Variants in ARHGAP21 observed in about 807,000 individuals in gnomAD.
ARHGAP21 encodes the protein rho GTPase-activating protein 21.
Under a neutral mutation model 164.6 loss-of-function variants are expected in ARHGAP21, and 38 were observed. The observed-to-expected ratio is 0.23, with a 90% CI of 0.18 to 0.30. The LOEUF is 0.30. Ranked by LOEUF, ARHGAP21 falls within the 10% of genes least tolerant of loss-of-function variation. The pLI is 1.00. For synonymous variants in ARHGAP21, 766 were observed against 857.9 expected (o/e 0.89, Z 1.87); for missense variants, 1,822 against 2,370.7 (o/e 0.77, Z 4.81).
chr10:24,633,332 T>G, intron 6 of ARHGAP21, 70 bp downstream of exon 6: 4 of 1,067,558 alleles, frequency 3.7e-6, no homozygotes, highest in South Asian at 1.5e-5. Context: ...AATAGAAGAT[T>G]GTATTAAATC....
chr10:24,657,069 T>C (rs1425382151), intron 4 of ARHGAP21, among the ~76,000 whole-genome samples: 1 of 40,052 alleles, frequency 2.5e-5, no homozygotes. Flanking sequence ...GGGAGGGAGG[T>C]GGGGGTGTCA....
chr10:24,697,517 CT>C (rs1006842475), intron 2 of ARHGAP21, among the ~76,000 whole-genome samples: 3 of 151,994 alleles, frequency 2.0e-5, no homozygotes, highest in Non-Finnish European at 4.4e-5. Flanking sequence ...TTAAAGGATG[CT>C]TTTTTCTTAC....
chr10:24,592,009 C>T lies in ARHGAP21; in HGVS notation c.3880G>A (p.Glu1294Lys). 6.3e-7 allele frequency: 1 copy of T among 1,592,902 alleles called. No homozygotes were observed. The highest frequency in any genetic ancestry group is 1.7e-4 in the Middle Eastern group (1 of 5,964). The change falls in exon 22 of 26, where the codon GAA (glutamate) becomes AAA (lysine). Residue 1294 changes from glutamate (E) to lysine (K), a missense_variant. By Grantham distance (56) the Glu-to-Lys change is moderately conservative. Around this residue, in one of 5 missense-constraint regions of ARHGAP21, gnomAD observed 117 missense variants for 238.1 expected, o/e 0.49. Coordinates refer to ENST00000396432, the MANE Select transcript of ARHGAP21 (RefSeq NM_020824.4). ...VAENSEKNKM[E>K]PRNLAIVFGP... ...AACACTATTGCTAGGTTTCTTGGTT[C>T]CATCTGAAAGAAAGGATGATACTGG...
chr10:24,584,952 G>A lies in ARHGAP21; in HGVS notation c.5337C>T (p.Asp1779=), dbSNP rs147583234. The A allele has an allele frequency of 8.3e-5, 134 of 1,613,770 alleles. No individual in the cohort carries two copies. The highest frequency in any genetic ancestry group is 1.1e-4 in the Non-Finnish European group (128 of 1,179,864). The change falls in exon 26 of 26, where the codon GAC becomes GAT. Residue 1779 remains aspartate, a synonymous_variant. Coordinates refer to ENST00000396432, the MANE Select transcript of ARHGAP21 (RefSeq NM_020824.4). ...LKLRPRAPAD[D]MFGVGNHKVN... Reference sequence around the variant, plus strand: ...CTTTGTGATTCCCTACTCCAAACATGTCATCCGCAGGGGCTCTGGGTCTCA... The same window carrying A: ...CTTTGTGATTCCCTACTCCAAACATATCATCCGCAGGGGCTCTGGGTCTCA...
chr10:24,590,388 GTCC>G (rs1409525500), intron 24 of ARHGAP21: 11 of 1,535,378 alleles, frequency 7.2e-6, no homozygotes, highest in East Asian at 2.4e-5. Context: ...GTGGACAACA[GTCC>G]TCCTTCTTCC....
chr10:24,661,368 A>C (rs1320742688), intron 4 of ARHGAP21, among the ~76,000 whole-genome samples: 1 of 152,122 alleles, frequency 6.6e-6, no homozygotes, highest in Non-Finnish European at 1.5e-5. Flanking sequence ...GGATATGAGA[A>C]ACAAAGCAAA....
chr10:24,585,576 C>A lies in ARHGAP21; in HGVS notation c.4713G>T (p.Thr1571=), dbSNP rs759610771. ...FSMKKSTSPE[T]KHSEFLANVS... The stretch of plus-strand genomic sequence containing the variant: ...CGTTGGCCAAAAACTCGCTATGTTT[C>A]GTTTCTGGACTGGTTGATTTCTTCA... Residue 1571 remains threonine, a synonymous_variant, in exon 26 of 26, where the codon ACG becomes ACT. Coordinates refer to ENST00000396432, the MANE Select transcript of ARHGAP21 (RefSeq NM_020824.4). 1.2e-6 allele frequency: 2 copies of A among 1,614,138 alleles called. No individual in the cohort carries two copies. The highest frequency in any genetic ancestry group is 2.2e-5 in the East Asian group (1 of 44,870).
chr10:24,599,242 G>C (rs755585338), intron 14 of ARHGAP21, among the ~76,000 whole-genome samples: 1 of 152,190 alleles, frequency 6.6e-6, no homozygotes, highest in Non-Finnish European at 1.5e-5. Flanking sequence ...TACTGCCTGA[G>C]AGAATGCCTG....
intron 4 of ARHGAP21, among the ~76,000 whole-genome samples, chr10:24,654,123 A>G (rs1323176261): frequency 6.6e-6 from 1 of 152,216 alleles, no homozygotes; most frequent in African/African-American, 2.4e-5. Context: ...GATGGGACGT[A>G]TCTCAAAATA....
In ARHGAP21 at chr10:24,584,814, G is replaced by A. The variant is rs554214515; in HGVS notation, c.5475C>T (p.Ser1825=). 39 of 1,613,920 alleles carry A rather than the reference G, an allele frequency of 2.4e-5. No homozygotes were observed. The Admixed American group carries it at 3.8e-4, about 16-fold the overall frequency. ...CTGAAAGTTCAGATTCTCTCTCCCC[G>A]CTCTGCTCATGCACTTTCCAAAAAT... ...VLNFWKVHEQ[S]GERESELSAV... is the part of the protein sequence containing the mutation. Residue 1825 remains serine (S), a synonymous_variant, in exon 26 of 26, where the codon AGC becomes AGT. Transcript: ENST00000396432.
At chr10:24,669,421 T>C (rs1367282239) in intron 3 of ARHGAP21, among the ~76,000 whole-genome samples, 1 of 152,204 alleles carries the variant, frequency 6.6e-6, no homozygotes, top group African/African-American at 2.4e-5. Context: ...TCAAAAGAAG[T>C]GGCCTGGCCA....
chr10:24,674,210 G>C (rs535282358), intron 2 of ARHGAP21, among the ~76,000 whole-genome samples: 2 of 152,020 alleles, frequency 1.3e-5, no homozygotes, highest in East Asian at 1.9e-4. Flanking sequence ...GGGCAACACA[G>C]GGAGACCCTG....
rs917874993 is a variant in ARHGAP21, at chr10:24,601,008, C to T, written c.2848-78G>A. On this transcript the variant is annotated intron_variant, in intron 13 of 25. Coordinates refer to ENST00000396432, the MANE Select transcript of ARHGAP21 (RefSeq NM_020824.4). ...GACAGGATAAGCACATTAAGCAACA[C>T]CCTTCCTCTGCATTTACATATAACT... 3.9e-5 allele frequency: 58 copies of T among 1,497,892 alleles called. No individual in the cohort carries two copies. In the Middle Eastern group the frequency reaches 7.1e-4, roughly 18 times the overall value. 92.8% of individuals were successfully genotyped at this position (1,497,892 alleles called of 1,614,324 possible).
chr10:24,605,149 C>T (rs1407155199), intron 11 of ARHGAP21, among the ~76,000 whole-genome samples: 1 of 152,046 alleles, frequency 6.6e-6, no homozygotes, highest in African/African-American at 2.4e-5. Context: ...CTATACCATA[C>T]AAAGAAGGGT....
At chr10:24,586,302 A>G (rs2076098854) in intron 25 of ARHGAP21, among the ~76,000 whole-genome samples, 196 bp from the exon 26 acceptor site, 1 of 151,986 alleles carries the variant, frequency 6.6e-6, no homozygotes, top group African/African-American at 2.4e-5. Context: ...AATGAGTCCA[A>G]TTTCTTGCCT....
intron 9 of ARHGAP21, among the ~76,000 whole-genome samples, chr10:24,612,173 A>C (rs1230625029): frequency 6.6e-6 from 1 of 152,204 alleles, no homozygotes; most frequent in African/African-American, 2.4e-5. Flanking sequence ...ATGGCAGAAT[A>C]ATCAGTTCCC....
At chr10:24,628,518 A>G (rs1354200388) in intron 7 of ARHGAP21, among the ~76,000 whole-genome samples, 1 of 151,970 alleles carries the variant, frequency 6.6e-6, no homozygotes, top group Non-Finnish European at 1.5e-5. Flanking sequence ...TTACTATACC[A>G]TTTCCATTAC....
At chr10:24,677,527 T>C (rs566424486) in intron 2 of ARHGAP21, among the ~76,000 whole-genome samples, 2 of 152,346 alleles carry the variant, frequency 1.3e-5, no homozygotes, top group African/African-American at 4.8e-5. Context: ...ATGGAGGCTA[T>C]GTATATTTGA....
chr10:24,710,467 T>C (rs1844670998), intron 2 of ARHGAP21, among the ~76,000 whole-genome samples: 1 of 152,168 alleles, frequency 6.6e-6, no homozygotes, highest in Non-Finnish European at 1.5e-5. Flanking sequence ...TTTTCATAGC[T>C]CCTTACTCTT....
Sources: allele counts gnomAD v4.1 joint callset (sites outside exome capture counted in the v4.1 genomes callset), GRCh38; gene constraint gnomAD v4.1.1; regional missense constraint gnomAD v4.1.1; transcripts MANE v1.5; gene names NCBI Gene and HGNC (gene_info 2026-07-23, HGNC 2026-07-21).